COL4A4: variants seen among roughly 807,000 people sequenced by gnomAD.
The protein encoded by COL4A4 is collagen alpha-4(IV) chain.
COL4A4 carries 105 observed loss-of-function variants against 192.9 expected under a neutral mutation model. The observed-to-expected ratio is 0.54, with a 90% CI of 0.46 to 0.64. COL4A4 has a LOEUF of 0.64. COL4A4 is among the 30% of genes least tolerant of loss of function. The pLI is 0.00. For missense variants in COL4A4, 1,967 were observed against 2,169.3 expected (o/e 0.91, Z 1.85); for synonymous variants, 762 against 769.9 (o/e 0.99, Z 0.17).
chr2:227,130,836 T>C (rs542406623), intron 4 of COL4A4, among the ~76,000 whole-genome samples: 1 of 152,304 alleles, frequency 6.6e-6, no homozygotes, highest in Non-Finnish European at 1.5e-5. Context: ...GAGGCCCGCA[T>C]GCCTCTAACT....
intron 1 of COL4A4, among the ~76,000 whole-genome samples, chr2:227,151,637 T>C: frequency 6.6e-6 from 1 of 152,242 alleles, no homozygotes; most frequent in South Asian, 2.1e-4. Flanking sequence ...GTTTGTGTCC[T>C]GCACCTCCAA....
chr2:226,995,675 G>GC, the COL4A4 span: 1 of 627,354 alleles, frequency 1.6e-6, no homozygotes, highest in Non-Finnish European at 2.9e-6. Flanking sequence ...CAGTCCCATG[G>GC]CCCCTATGAG....
chr2:227,076,807 C>A (rs973492570), intron 25 of COL4A4, among the ~76,000 whole-genome samples: 4 of 152,066 alleles, frequency 2.6e-5, no homozygotes, highest in Non-Finnish European at 5.9e-5. Flanking sequence ...AAACCAACCC[C>A]TTCAAAAAGT....
Position 227,042,257 on chromosome 2 carries a change from T to G in COL4A4, c.3398-2A>C. 1 of 1,594,956 alleles carries G rather than the reference T, an allele frequency of 6.3e-7. No individual in the cohort carries two copies. The highest frequency in any genetic ancestry group is 8.6e-7 in the Non-Finnish European group (1 of 1,162,536). On this transcript the variant is annotated splice_acceptor_variant, in intron 36 of 47. Coordinates refer to ENST00000396625, the MANE Select transcript of COL4A4 (RefSeq NM_000092.5). LOFTEE classifies it high-confidence loss of function. ...TCAGCCCAGGCATCCCGTGATCACCTGAGGATGACAGGGAAGTTTTGCAGA... is the reference window on the plus strand; with the variant it reads ...TCAGCCCAGGCATCCCGTGATCACCGGAGGATGACAGGGAAGTTTTGCAGA...
chr2:226,984,696 T>G, the COL4A4 span, among the ~76,000 whole-genome samples: 4 of 152,198 alleles, frequency 2.6e-5, no homozygotes, highest in African/African-American at 9.6e-5. Context: ...AAGGAACCAC[T>G]GGTGCTGGAG....
the COL4A4 span, among the ~76,000 whole-genome samples, chr2:226,972,270 A>G: frequency 2.4e-4 from 37 of 152,212 alleles, 2 homozygotes; most frequent in Admixed American, 2.1e-3. Flanking sequence ...ATTCTTTTGT[A>G]TGGCTGCATA....
chr2:227,093,248 A>C (rs2060032539), intron 20 of COL4A4, among the ~76,000 whole-genome samples: 1 of 152,142 alleles, frequency 6.6e-6, no homozygotes, highest in Admixed American at 6.5e-5. Context: ...AGCCCTCCCC[A>C]AAACTAAACT....
In COL4A4 at chr2:227,008,121, C is replaced by A. The variant is rs370917166; in HGVS notation, c.4706G>T (p.Cys1569Phe). The A allele has an allele frequency of 6.2e-7, 1 of 1,613,922 alleles. No homozygotes were observed. Among genetic ancestry groups the A allele is most frequent in the African/African-American group, 1.3e-5 (1 of 74,954 alleles). Residue 1569 changes from cysteine (C) to phenylalanine (F), a missense_variant, in exon 47 of 48, where the codon TGC becomes TTC. Transcript: ENST00000396625. The stretch of plus-strand genomic sequence containing the variant: ...CGCCACCGCCTGGGCCGGGGCCTCG[C>A]ATACCGCACAGCGGCTGACATAGGG... ...IRPYVSRCAV[C>F]EAPAQAVAVH... is the part of the protein sequence containing the mutation.
At chr2:227,045,495 C>T (rs2150121925) in intron 35 of COL4A4, among the ~76,000 whole-genome samples, 1 of 151,994 alleles carries the variant, frequency 6.6e-6, no homozygotes, top group South Asian at 2.1e-4. Flanking sequence ...CTAGGCCGGG[C>T]ACAGTGCCTC....
At chr2:227,090,576 C>G (rs922890195) in intron 20 of COL4A4, among the ~76,000 whole-genome samples, 3 of 151,770 alleles carry the variant, frequency 2.0e-5, no homozygotes, top group Admixed American at 1.3e-4. Context: ...TGGTAAAACC[C>G]CCCCCATCTC....
At chr2:227,027,593 C>T (rs1178923610) in intron 42 of COL4A4, among the ~76,000 whole-genome samples, 4 of 150,774 alleles carry the variant, frequency 2.7e-5, no homozygotes, top group Non-Finnish European at 5.9e-5. Context: ...TGTAACAAAC[C>T]TGCACGTTGT....
chr2:227,010,591 G>A lies in COL4A4; in HGVS notation c.4334-90C>T, dbSNP rs1052622292. 2.8e-5 allele frequency: 31 copies of A among 1,118,034 alleles called. No individual in the cohort carries two copies. In the Admixed American group the frequency reaches 6.7e-4, roughly 24 times the overall value. The allele number at this position is 1,118,034 out of a possible 1,614,324, so 69.3% of individuals were successfully genotyped here. A position where few individuals can be genotyped will look rare whatever the true frequency, so the allele number is the denominator to read the frequency against. The stretch of plus-strand genomic sequence containing the variant: ...CACCTCTGTTCTGGCACTGTGCTAA[G>A]CACTCAGGGAGCAGAGGGGAGCATG... On this transcript the variant is annotated intron_variant, in intron 45 of 47. Transcript: ENST00000396625.
the COL4A4 span, among the ~76,000 whole-genome samples, chr2:226,988,944 A>G: frequency 6.6e-6 from 1 of 152,236 alleles, no homozygotes; most frequent in Non-Finnish European, 1.5e-5. Flanking sequence ...GCCTTATTTA[A>G]GGCAGAAGAT....
chr2:227,120,099 C>A (rs1356618750), intron 5 of COL4A4, among the ~76,000 whole-genome samples, 160 bp from the exon 6 acceptor site: 4 of 152,062 alleles, frequency 2.6e-5, no homozygotes, highest in South Asian at 2.1e-4. Flanking sequence ...ATTTAAGAAC[C>A]AATTCTTGTG....
At chr2:227,151,173 C>G (rs560010089) in intron 1 of COL4A4, among the ~76,000 whole-genome samples, 1 of 152,092 alleles carries the variant, frequency 6.6e-6, no homozygotes, top group Non-Finnish European at 1.5e-5. Flanking sequence ...TATCCTAATG[C>G]AATGTATTTC....
the COL4A4 span, among the ~76,000 whole-genome samples, chr2:226,972,946 C>A: frequency 0.016 from 2,101 of 128,140 alleles, 9 homozygotes; most frequent in Middle Eastern, 0.028. Flanking sequence ...AAAAAAAAAA[C>A]AAAAAACCAT....
At position 227,010,459 on chromosome 2, in the gene COL4A4, C is replaced by A. The variant is rs1287040507; in HGVS notation, c.4376G>T (p.Gly1459Val). ...PIGDPGPKGF[G>V]PGYLGGFLLV... Reference sequence around the variant, plus strand: ...GAGGAAGCCACCGAGGTATCCAGGGCCAAACCCTTTGGGCCCAGGATCCCC... The same window carrying A: ...GAGGAAGCCACCGAGGTATCCAGGGACAAACCCTTTGGGCCCAGGATCCCC... The change falls in exon 46 of 48, where the codon GGC (glycine) becomes GTC (valine). Residue 1459 changes from glycine to valine, a missense_variant. Physicochemically the swap from Gly to Val is moderately radical, Grantham distance 109. Coordinates refer to ENST00000396625, the MANE Select transcript of COL4A4 (RefSeq NM_000092.5). 7.5e-6 allele frequency: 12 copies of A among 1,606,168 alleles called. No homozygotes were observed. Among genetic ancestry groups the A allele is most frequent in the Non-Finnish European group, 1.0e-5 (12 of 1,176,078 alleles).
At chr2:227,053,599 G>A (rs187927849) in intron 31 of COL4A4, among the ~76,000 whole-genome samples, 1 of 140,260 alleles carries the variant, frequency 7.1e-6, no homozygotes, top group East Asian at 2.1e-4. Context: ...CCAGGCTGGA[G>A]TGCAGTGGCA....
rs1197786869 is a variant in COL4A4 at position 227,010,331 on chromosome 2, C to G, written c.4504G>C (p.Ala1502Pro). The change falls in exon 46 of 48, where the codon GCT (alanine) becomes CCT (proline). Residue 1502 changes from alanine (A) to proline (P), a missense_variant. Ala to Pro is a conservative substitution (Grantham distance 27). Coordinates refer to ENST00000396625, the MANE Select transcript of COL4A4 (RefSeq NM_000092.5). ...SLLYLEGQEK[A>P]HNQDLGLAGS... is the part of the protein sequence containing the mutation. The stretch of plus-strand genomic sequence containing the variant: ...TCCATACCAAGGTCTTGATTGTGAG[C>G]TTTCTCTTGCCCTTCCAGGTATAAC... 3.1e-6 allele frequency: 5 copies of G among 1,614,234 alleles called. No individual in the cohort carries two copies. Among genetic ancestry groups the G allele is most frequent in the Non-Finnish European group, 4.2e-6 (5 of 1,180,042 alleles).
Sources: allele counts gnomAD v4.1 joint callset (sites outside exome capture counted in the v4.1 genomes callset), GRCh38; gene constraint gnomAD v4.1.1; transcripts MANE v1.5; gene names NCBI Gene and HGNC (gene_info 2026-07-23, HGNC 2026-07-21).